The following IPO11 variants were observed in gnomAD, a reference collection of about 807,000 sequenced individuals.
The protein encoded by IPO11 is importin 11.
In IPO11, 66 loss-of-function variants were observed where a neutral mutation model predicts 143.2. That is an observed-to-expected ratio of 0.46 (90% CI 0.38 to 0.57). The LOEUF (loss-of-function observed/expected upper bound fraction) is 0.57, where lower values mean the gene tolerates loss of function less well. IPO11 is among the 20% of genes least tolerant of loss of function. The pLI, the probability that IPO11 is intolerant of heterozygous loss-of-function variation, is 0.00. For synonymous variants in IPO11, 385 were observed against 377.8 expected (o/e 1.02, Z -0.22); for missense variants, 1,026 against 1,141.0 (o/e 0.90, Z 1.45).
At chr5:62,455,625 A>G (rs1004832597) in intron 5 of IPO11, among the ~76,000 whole-genome samples, 3 of 152,238 alleles carry the variant, frequency 2.0e-5, no homozygotes, top group Non-Finnish European at 4.4e-5. Flanking sequence ...GTGTGCCTCA[A>G]CAATTGTTAT....
chr5:62,511,499 TATTC>T (rs1406152879), intron 19 of IPO11, among the ~76,000 whole-genome samples: 1 of 152,216 alleles, frequency 6.6e-6, no homozygotes, highest in Non-Finnish European at 1.5e-5. Flanking sequence ...TCTTAATATT[TATTC>T]ACTTATATCT....
intron 2 of IPO11, among the ~76,000 whole-genome samples, chr5:62,439,029 A>C (rs968572055): frequency 6.6e-6 from 1 of 151,146 alleles, no homozygotes. Context: ...ACTGCATTCC[A>C]ACCTGGGCGA....
intron 16 of IPO11, among the ~76,000 whole-genome samples, chr5:62,503,059 A>G (rs1741402560): frequency 6.6e-6 from 1 of 152,032 alleles, no homozygotes; most frequent in African/African-American, 2.4e-5. Context: ...TCCTGGCCTC[A>G]AGTGATCCGC....
chr5:62,526,316 A>T, intron 21 of IPO11, 59 bp downstream of exon 21: 2 of 1,204,132 alleles, frequency 1.7e-6, no homozygotes, highest in Non-Finnish European at 2.5e-6. Context: ...TCCTACTCTC[A>T]TGCCAGTAAA....
chr5:62,448,651 AG>A (rs1744801562), intron 3 of IPO11, among the ~76,000 whole-genome samples: 1 of 151,910 alleles, frequency 6.6e-6, no homozygotes, highest in Non-Finnish European at 1.5e-5. Context: ...GCTGGGCTCA[AG>A]AAATCCTCCT....
At chr5:62,421,974 C>T (rs1438710003) in intron 1 of IPO11, among the ~76,000 whole-genome samples, 5 of 152,196 alleles carry the variant, frequency 3.3e-5, no homozygotes, top group African/African-American at 9.7e-5. Context: ...CTGATGATCT[C>T]TTACACTCAG....
intron 1 of IPO11, among the ~76,000 whole-genome samples, chr5:62,416,182 C>CTTTTTTTT (rs869236693): frequency 8.1e-6 from 1 of 123,508 alleles, no homozygotes; most frequent in Non-Finnish European, 1.7e-5. Context: ...TTTTTCTTTT[C>CTTTTTTTT]TTTTTTTTTT....
chr5:62,617,039 C>G (rs1180296248), intron 29 of IPO11, among the ~76,000 whole-genome samples: 1 of 152,184 alleles, frequency 6.6e-6, no homozygotes, highest in African/African-American at 2.4e-5. Flanking sequence ...TCACCTGATA[C>G]TTGACCTTGT....
chr5:62,562,653 C>A (rs767285179), intron 27 of IPO11, among the ~76,000 whole-genome samples: 1 of 152,160 alleles, frequency 6.6e-6, no homozygotes, highest in African/African-American at 2.4e-5. Flanking sequence ...CAGTCCATGG[C>A]CCAGGGGTTG....
intron 3 of IPO11, among the ~76,000 whole-genome samples, chr5:62,447,111 AT>A (rs57399904): frequency 1.4e-5 from 2 of 147,274 alleles, no homozygotes; most frequent in Admixed American, 6.7e-5. Flanking sequence ...ATATATATAT[AT>A]TTTTTTTTAA....
chr5:62,592,050 A>G (rs866680108), intron 28 of IPO11, among the ~76,000 whole-genome samples: 1 of 152,074 alleles, frequency 6.6e-6, no homozygotes, highest in South Asian at 2.1e-4. Context: ...GGGTTTCTCC[A>G]TGTTGGTCAG....
intron 24 of IPO11, among the ~76,000 whole-genome samples, chr5:62,543,633 C>A (rs988118694): frequency 2.0e-5 from 3 of 152,110 alleles, no homozygotes; most frequent in African/African-American, 7.2e-5. Flanking sequence ...TTTCAAAAAA[C>A]CAGCTCCTGG....
At chr5:62,484,996 G>A (rs1249043615) in intron 11 of IPO11, among the ~76,000 whole-genome samples, 1 of 151,004 alleles carries the variant, frequency 6.6e-6, no homozygotes, top group Non-Finnish European at 1.5e-5. Flanking sequence ...AAATTTTTAA[G>A]AGCCCTGAAG....
intron 19 of IPO11, among the ~76,000 whole-genome samples, chr5:62,514,485 G>T (rs1225497043): frequency 3.3e-5 from 5 of 151,594 alleles, no homozygotes; most frequent in Non-Finnish European, 5.9e-5. Flanking sequence ...GCAGGCACTT[G>T]GCAGGCTGAG....
chr5:62,419,800 C>T (rs960913287), intron 1 of IPO11, among the ~76,000 whole-genome samples: 11 of 151,750 alleles, frequency 7.2e-5, no homozygotes, highest in African/African-American at 2.2e-4. Context: ...TTGAAATCAG[C>T]CAGGGCAACA....
chr5:62,592,848 G>A (rs10059269), intron 28 of IPO11, among the ~76,000 whole-genome samples: 121,210 of 152,044 alleles, frequency 0.8, 49,132 homozygotes, highest in African/African-American at 0.94. Flanking sequence ...CCATGATTCA[G>A]TTACCTCCAG....
At chr5:62,553,439 G>A (rs1316130483) in intron 26 of IPO11, among the ~76,000 whole-genome samples, 1 of 151,930 alleles carries the variant, frequency 6.6e-6, no homozygotes, top group Non-Finnish European at 1.5e-5. Flanking sequence ...GAACAGTGCT[G>A]TAATAAACAT....
chr5:62,583,828 T>C (rs1453538552), intron 27 of IPO11, among the ~76,000 whole-genome samples: 1 of 152,210 alleles, frequency 6.6e-6, no homozygotes, highest in African/African-American at 2.4e-5. Context: ...AATGATATTC[T>C]AAATTAATAT....
chr5:62,477,479 A>G (rs1746002194), intron 9 of IPO11, among the ~76,000 whole-genome samples: 1 of 152,166 alleles, frequency 6.6e-6, no homozygotes, highest in South Asian at 2.1e-4. Flanking sequence ...TGTTTTAGGT[A>G]GTAATTACCT....
Sources: gnomAD v4.1 joint callset for allele counts (sites outside exome capture counted in the v4.1 genomes callset) on GRCh38, gnomAD v4.1.1 for gene constraint, MANE v1.5 for transcripts, NCBI Gene and HGNC (gene_info 2026-07-23, HGNC 2026-07-21) for gene names.